CHN2: variants seen among roughly 807,000 people sequenced by gnomAD.
CHN2 encodes beta-chimaerin.
In CHN2, 35 loss-of-function variants were observed where a neutral mutation model predicts 56.3. The ratio of observed to expected loss-of-function variants is 0.62; its 90% confidence interval spans 0.47 to 0.82. The LOEUF is 0.82. CHN2 is among the 40% of genes least tolerant of loss of function. CHN2 has a pLI of 0.00. For missense variants in CHN2, 491 were observed against 580.5 expected (o/e 0.85, Z 1.58); for synonymous variants, 210 against 212.8 (o/e 0.99, Z 0.12).
At chr7:29,249,166 A>G (rs1010898244) in intron 1 of CHN2, among the ~76,000 whole-genome samples, 2 of 152,124 alleles carry the variant, frequency 1.3e-5, no homozygotes, top group African/African-American at 4.8e-5. Context: ...TGCAAGCTGG[A>G]GACTCTGGCA....
chr7:29,172,092 G>C (rs924888898), intron 2 of CHN2, among the ~76,000 whole-genome samples: 2 of 152,164 alleles, frequency 1.3e-5, no homozygotes, highest in Non-Finnish European at 2.9e-5. Context: ...GCAGTATCAC[G>C]TTTATACGCT....
At chr7:29,324,031 GA>G (rs1030666100) in intron 1 of CHN2, among the ~76,000 whole-genome samples, 1 of 147,278 alleles carries the variant, frequency 6.8e-6, no homozygotes, top group Admixed American at 6.8e-5. Context: ...CCAAAAAAAA[GA>G]AAAAAAAAGT....
intron 6 of CHN2, among the ~76,000 whole-genome samples, chr7:29,462,393 C>G (rs1196063233): frequency 6.6e-6 from 1 of 152,154 alleles, no homozygotes; most frequent in Non-Finnish European, 1.5e-5. Flanking sequence ...GAAATTAGAA[C>G]AGAGTACAGC....
chr7:29,185,202 G>A (rs1440269185), intron 2 of CHN2, among the ~76,000 whole-genome samples: 1 of 152,184 alleles, frequency 6.6e-6, no homozygotes, highest in African/African-American at 2.4e-5. Context: ...ATTGAGAAAT[G>A]ATAGAGTAGA....
intron 1 of CHN2, among the ~76,000 whole-genome samples, chr7:29,335,180 C>T (rs539053144): frequency 3.9e-5 from 6 of 152,290 alleles, no homozygotes; most frequent in Non-Finnish European, 8.8e-5. Context: ...GGGAGTGGAA[C>T]AATATGGAGT....
At chr7:29,508,171 G>T (rs915863599) in intron 11 of CHN2, among the ~76,000 whole-genome samples, 1 of 152,130 alleles carries the variant, frequency 6.6e-6, no homozygotes, top group Non-Finnish European at 1.5e-5. Context: ...CATGCGTCCA[G>T]GAATGGGACA....
intron 6 of CHN2, among the ~76,000 whole-genome samples, chr7:29,415,759 G>C (rs1025519444): frequency 6.6e-6 from 1 of 152,166 alleles, no homozygotes; most frequent in Non-Finnish European, 1.5e-5. Flanking sequence ...TTGGTGGCAG[G>C]GTAGAGGATG....
At chr7:29,274,253 C>T (rs548982033) in intron 1 of CHN2, among the ~76,000 whole-genome samples, 1 of 152,330 alleles carries the variant, frequency 6.6e-6, no homozygotes, top group East Asian at 1.9e-4. Flanking sequence ...GAGCATGAGA[C>T]AGGCTCCTTT....
At chr7:29,422,289 A>G (rs1804426024) in intron 6 of CHN2, among the ~76,000 whole-genome samples, 1 of 152,218 alleles carries the variant, frequency 6.6e-6, no homozygotes, top group Non-Finnish European at 1.5e-5. Flanking sequence ...CAGCCCTTTG[A>G]GTGACCTGAT....
intron 9 of CHN2, among the ~76,000 whole-genome samples, chr7:29,503,705 G>A (rs1367516700): frequency 2.0e-5 from 3 of 152,172 alleles, no homozygotes; most frequent in African/African-American, 7.2e-5. Context: ...CCTTATATAT[G>A]GCAGATAATA....
chr7:29,405,161 C>CCACACACACACACA (rs1429739362), intron 6 of CHN2, among the ~76,000 whole-genome samples: 1 of 49,870 alleles, frequency 2.0e-5, no homozygotes, highest in Non-Finnish European at 4.6e-5. Context: ...GCTTATGTCA[C>CCACACACACACACA]CATACACACA....
chr7:29,164,578 A>G (rs912068769), intron 2 of CHN2, among the ~76,000 whole-genome samples: 1 of 151,870 alleles, frequency 6.6e-6, no homozygotes, highest in African/African-American at 2.4e-5. Context: ...TGAACTCAGA[A>G]GAGACCAGCC....
intron 6 of CHN2, among the ~76,000 whole-genome samples, chr7:29,468,146 C>A (rs867098187): frequency 0.011 from 1,179 of 106,404 alleles, 109 homozygotes; most frequent in African/African-American, 0.037. Context: ...ACCCGCCCCC[C>A]CCCCCCCCCG....
chr7:29,258,230 G>A (rs1229188269), intron 1 of CHN2, among the ~76,000 whole-genome samples: 1 of 152,144 alleles, frequency 6.6e-6, no homozygotes, highest in Non-Finnish European at 1.5e-5. Context: ...GAGCAACAGG[G>A]ATAAACCAGG....
rs936461395 is a variant in CHN2, at chr7:29,400,786, A to G, written c.534A>G (p.Arg178=). The G allele has an allele frequency of 6.8e-6, 11 of 1,613,978 alleles. No individual in the cohort carries two copies. The Admixed American group carries it at 1.8e-4, about 27-fold the overall frequency. The part of the protein sequence containing the change: ...RRLSRSKNEP[R]KTNVTHEEHT... ...TGAGCAGGTCTAAAAATGAACCAAGAAAAACAAACGTCACACATGAAGAAC... is the reference window on the plus strand; with the variant it reads ...TGAGCAGGTCTAAAAATGAACCAAGGAAAACAAACGTCACACATGAAGAAC... Residue 178 remains arginine (R), a synonymous_variant, in exon 6 of 13, where the codon AGA becomes AGG. Transcript: ENST00000222792.
intron 2 of CHN2, among the ~76,000 whole-genome samples, chr7:29,157,835 C>T (rs1794623529): frequency 7.2e-6 from 1 of 139,046 alleles, no homozygotes; most frequent in South Asian, 2.2e-4. Context: ...TAGGAGGATG[C>T]TAAAAAAAAA....
At position 29,252,585 on chromosome 7, in the gene CHN2, T is replaced by TG. The variant is rs1562866477; in HGVS notation, c.49+57595_49+57596insG. Among the ~76,000 whole-genome samples, 36 of 23,068 alleles carry TG rather than the reference T, an allele frequency of 1.6e-3. 6 individuals carry two copies. Among genetic ancestry groups the TG allele is most frequent in the African/African-American group, 8.5e-3 (20 of 2,354 alleles). The allele number at this position is 23,068 out of a possible 152,430, so 15.1% of individuals were successfully genotyped here. Reference sequence around the variant, plus strand: ...TCTAAAATTGCATTCTTTGTTTTTTTTTTTTTTTTTTTTTTTTTTTTGAGA... The same window carrying TG: ...TCTAAAATTGCATTCTTTGTTTTTTTGTTTTTTTTTTTTTTTTTTTTTGAGA... On this transcript the variant is annotated intron_variant, in intron 1 of 12. Coordinates refer to ENST00000222792, the MANE Select transcript of CHN2 (RefSeq NM_004067.4).
intron 2 of CHN2, among the ~76,000 whole-genome samples, chr7:29,355,076 C>T (rs1798190237): frequency 6.6e-6 from 1 of 152,010 alleles, no homozygotes; most frequent in African/African-American, 2.4e-5. Context: ...TCAAGCGATT[C>T]TCCTGCCTCA....
At chr7:29,415,195 G>A (rs1307779649) in intron 6 of CHN2, among the ~76,000 whole-genome samples, 2 of 152,244 alleles carry the variant, frequency 1.3e-5, no homozygotes, top group Non-Finnish European at 2.9e-5. Flanking sequence ...TTTGCTGGAA[G>A]AATTAAGAAA....
Sources: allele counts gnomAD v4.1 joint callset (sites outside exome capture counted in the v4.1 genomes callset), GRCh38; gene constraint gnomAD v4.1.1; transcripts MANE v1.5; gene names NCBI Gene and HGNC (gene_info 2026-07-23, HGNC 2026-07-21).